KHDRBS2: variants seen among roughly 807,000 people sequenced by gnomAD.
KHDRBS2 encodes KH RNA binding domain containing, signal transduction associated 2.
A neutral mutation model predicts 44.3 loss-of-function variants in KHDRBS2; 26 were observed. The ratio of observed to expected loss-of-function variants is 0.59; its 90% confidence interval spans 0.43 to 0.81. The LOEUF is 0.81. Among genes scored for constraint, KHDRBS2 ranks in the 40% least tolerant of loss-of-function variants. The pLI is 0.00. For synonymous variants in KHDRBS2, 194 were observed against 151.1 expected (o/e 1.28, Z -2.08); for missense variants, 476 against 433.1 (o/e 1.10, Z -0.88).
At chr6:61,635,020 T>A in the KHDRBS2 span, among the ~76,000 whole-genome samples, 297 of 152,190 alleles carry the variant, frequency 2.0e-3, 5 homozygotes, top group South Asian at 0.031. Flanking sequence ...AGTTTTCTTT[T>A]TTTAACAAAA....
At chr6:61,552,814 G>A in the KHDRBS2 span, among the ~76,000 whole-genome samples, 2 of 152,042 alleles carry the variant, frequency 1.3e-5, no homozygotes, top group African/African-American at 4.8e-5. Context: ...TCATTTGCAT[G>A]TGTTGAAACA....
chr6:61,687,854 GT>G (rs1766989624), intron 8 of KHDRBS2, among the ~76,000 whole-genome samples: 1 of 151,748 alleles, frequency 6.6e-6, no homozygotes, highest in Non-Finnish European at 1.5e-5. Context: ...AGTTTTGCAT[GT>G]GATGCATAAT....
chr6:62,277,080 A>T (rs961319980), intron 1 of KHDRBS2, among the ~76,000 whole-genome samples: 1 of 152,196 alleles, frequency 6.6e-6, no homozygotes, highest in Non-Finnish European at 1.5e-5. Context: ...AATGGTAATA[A>T]TGATAAATCT....
At chr6:61,813,326 T>C (rs1351211432) in intron 6 of KHDRBS2, among the ~76,000 whole-genome samples, 1 of 152,166 alleles carries the variant, frequency 6.6e-6, no homozygotes, top group Non-Finnish European at 1.5e-5. Flanking sequence ...GAATTATTCT[T>C]GATATTATAC....
chr6:61,578,147 C>A, the KHDRBS2 span, among the ~76,000 whole-genome samples: 3 of 152,150 alleles, frequency 2.0e-5, no homozygotes, highest in Non-Finnish European at 2.9e-5. Flanking sequence ...GAGAAGGTGG[C>A]AGGGCTGAAG....
chr6:61,765,635 G>A (rs991594303), intron 6 of KHDRBS2, among the ~76,000 whole-genome samples: 3 of 151,922 alleles, frequency 2.0e-5, no homozygotes, highest in African/African-American at 7.3e-5. Flanking sequence ...GTTATATATG[G>A]CCTTTATCAT....
At chr6:62,055,994 T>C (rs1790199989) in intron 2 of KHDRBS2, among the ~76,000 whole-genome samples, 1 of 152,004 alleles carries the variant, frequency 6.6e-6, no homozygotes, top group African/African-American at 2.4e-5. Context: ...ACAGGCTTCA[T>C]AGAATATCCT....
At chr6:61,597,728 C>A in the KHDRBS2 span, among the ~76,000 whole-genome samples, 1 of 38,222 alleles carries the variant, frequency 2.6e-5, no homozygotes, top group Non-Finnish European at 5.6e-5. Flanking sequence ...GAATTTTGCA[C>A]CTTTTATATA....
At chr6:61,609,378 A>C in the KHDRBS2 span, among the ~76,000 whole-genome samples, 1 of 152,298 alleles carries the variant, frequency 6.6e-6, no homozygotes, top group East Asian at 1.9e-4. Flanking sequence ...AATGACGACA[A>C]CAAAAACATT....
the KHDRBS2 span, among the ~76,000 whole-genome samples, chr6:61,670,523 A>AT: frequency 6.6e-6 from 1 of 151,568 alleles, no homozygotes; most frequent in African/African-American, 2.4e-5. Context: ...AAAATTCAAC[A>AT]TTAATTTCAT....
At chr6:61,664,455 T>G in the KHDRBS2 span, among the ~76,000 whole-genome samples, 1 of 151,834 alleles carries the variant, frequency 6.6e-6, no homozygotes, top group South Asian at 2.1e-4. Flanking sequence ...CAACAAGAAC[T>G]GAGGAAAAGA....
At chr6:61,960,485 G>T (rs573812296) in intron 4 of KHDRBS2, among the ~76,000 whole-genome samples, 34 of 152,156 alleles carry the variant, frequency 2.2e-4, no homozygotes, top group Non-Finnish European at 4.4e-4. Flanking sequence ...TCACAATTAT[G>T]TATGACTGCA....
the KHDRBS2 span, among the ~76,000 whole-genome samples, chr6:61,580,657 C>G: frequency 0.17 from 25,788 of 151,792 alleles, 2,407 homozygotes; most frequent in East Asian, 0.29. Flanking sequence ...CTCCAGACAC[C>G]AGACCATGAA....
intron 6 of KHDRBS2, among the ~76,000 whole-genome samples, chr6:61,815,721 G>T (rs1715021): frequency 0.16 from 23,769 of 152,102 alleles, 2,499 homozygotes; most frequent in South Asian, 0.27. Context: ...GAAATCTGTA[G>T]AATTAATATA....
chr6:61,558,135 A>G, the KHDRBS2 span, among the ~76,000 whole-genome samples: 1 of 151,174 alleles, frequency 6.6e-6, no homozygotes, highest in African/African-American at 2.4e-5. Context: ...TTATTTATGC[A>G]CTGATCTTTA....
chr6:62,255,748 G>A (rs1283969410), intron 1 of KHDRBS2, among the ~76,000 whole-genome samples: 2 of 151,486 alleles, frequency 1.3e-5, no homozygotes, highest in Non-Finnish European at 2.9e-5. Context: ...AGAATACTAG[G>A]TATACTACTA....
chr6:61,680,390 G>T lies in KHDRBS2; in HGVS notation c.*573C>A, dbSNP rs1410030878. 1 of 151,612 alleles carries T rather than the reference G, an allele frequency of 6.6e-6. No homozygotes were observed. Among genetic ancestry groups the T allele is most frequent in the Admixed American group, 6.6e-5 (1 of 15,136 alleles). The allele number at this position is 151,612 out of a possible 1,614,324, so 9.4% of individuals were successfully genotyped here. A position where few individuals can be genotyped will look rare whatever the true frequency, so the allele number is the denominator to read the frequency against. On this transcript the variant is annotated 3_prime_UTR_variant, in exon 9 of 9. Coordinates refer to ENST00000281156, the MANE Select transcript of KHDRBS2 (RefSeq NM_152688.4). ...CAGGTTAAAACACTGAACAAATTCAGTTAGCTACATACATACAGTAGCTGC... is the reference window on the plus strand; with the variant it reads ...CAGGTTAAAACACTGAACAAATTCATTTAGCTACATACATACAGTAGCTGC...
chr6:61,990,076 A>G (rs150504565), intron 3 of KHDRBS2, among the ~76,000 whole-genome samples: 1 of 152,182 alleles, frequency 6.6e-6, no homozygotes, highest in Non-Finnish European at 1.5e-5. Flanking sequence ...GGTTCCATTC[A>G]TTTTCTTATT....
intron 2 of KHDRBS2, among the ~76,000 whole-genome samples, chr6:62,137,175 G>A (rs995115843): frequency 2.0e-5 from 3 of 151,756 alleles, no homozygotes; most frequent in African/African-American, 7.3e-5. Context: ...TAATTTGTTT[G>A]TATTTTTAGT....
Sources: gnomAD v4.1 joint callset for allele counts (sites outside exome capture counted in the v4.1 genomes callset) on GRCh38, gnomAD v4.1.1 for gene constraint, MANE v1.5 for transcripts, NCBI Gene and HGNC (gene_info 2026-07-23, HGNC 2026-07-21) for gene names.